The following RIPOR2 variants were observed in gnomAD, a reference collection of about 807,000 sequenced individuals.
RIPOR2 encodes the protein RHO family interacting cell polarization regulator 2.
Under a neutral mutation model 114.5 loss-of-function variants are expected in RIPOR2, and 39 were observed. The ratio of observed to expected loss-of-function variants is 0.34; its 90% CI spans 0.26 to 0.44. RIPOR2 has a LOEUF of 0.44. Ranked by LOEUF, RIPOR2 falls within the 20% of genes least tolerant of loss-of-function variation. RIPOR2 has a pLI of 1.00. For synonymous variants in RIPOR2, 445 were observed against 484.4 expected (o/e 0.92, Z 1.07); for missense variants, 1,007 against 1,255.1 (o/e 0.80, Z 2.99).
At chr6:24,807,936 T>C (rs1780882156) in intron 21 of RIPOR2, among the ~76,000 whole-genome samples, 1 of 152,178 alleles carries the variant, frequency 6.6e-6, no homozygotes, top group Non-Finnish European at 1.5e-5. Flanking sequence ...TATTTGTGTA[T>C]TAGGGTCAAA....
At chr6:24,975,269 A>G (rs1773990966) in intron 1 of RIPOR2, among the ~76,000 whole-genome samples, 1 of 152,260 alleles carries the variant, frequency 6.6e-6, no homozygotes, top group South Asian at 2.1e-4. Context: ...AGAGATATTT[A>G]CAGCATGTAT....
chr6:24,999,843 A>C (rs1157415145), intron 1 of RIPOR2, among the ~76,000 whole-genome samples: 1 of 152,148 alleles, frequency 6.6e-6, no homozygotes, highest in Non-Finnish European at 1.5e-5. Context: ...GGCATGAGCT[A>C]CCGCGCCCAG....
chr6:25,007,671 C>A (rs1581944080), intron 1 of RIPOR2, among the ~76,000 whole-genome samples: 1 of 151,900 alleles, frequency 6.6e-6, no homozygotes. Context: ...TTGGCCCTTC[C>A]TTCCTGCCCT....
At chr6:24,983,127 T>C (rs1304593080) in intron 1 of RIPOR2, among the ~76,000 whole-genome samples, 1 of 151,968 alleles carries the variant, frequency 6.6e-6, no homozygotes, top group African/African-American at 2.4e-5. Flanking sequence ...GTCCGCAAAC[T>C]TGGCCCAAAT....
At chr6:24,985,273 T>TCTTCTAACA (rs1271069030) in intron 1 of RIPOR2, among the ~76,000 whole-genome samples, 1 of 152,138 alleles carries the variant, frequency 6.6e-6, no homozygotes, top group Non-Finnish European at 1.5e-5. Flanking sequence ...AAGCTTATTC[T>TCTTCTAACA]CTTCTAACAC....
At chr6:24,954,201 G>A (rs1171183372) in intron 1 of RIPOR2, among the ~76,000 whole-genome samples, 2 of 152,182 alleles carry the variant, frequency 1.3e-5, no homozygotes, top group Non-Finnish European at 2.9e-5. Context: ...ATGCTCAGAG[G>A]CAGGCTGGTT....
chr6:25,012,436 G>A (rs1775811130), intron 1 of RIPOR2, among the ~76,000 whole-genome samples: 1 of 152,146 alleles, frequency 6.6e-6, no homozygotes, highest in Non-Finnish European at 1.5e-5. Flanking sequence ...AGTGTTCACA[G>A]TGCCATTTTT....
chr6:25,029,592 C>A (rs1031554622), intron 1 of RIPOR2, among the ~76,000 whole-genome samples: 23 of 151,832 alleles, frequency 1.5e-4, no homozygotes, highest in African/African-American at 5.6e-4. Context: ...AAGTCCCATA[C>A]CCTGAGCTGG....
rs1158000314 is a variant in RIPOR2 at position 24,825,263 on chromosome 6, A to C, written c.2831T>G (p.Leu944Trp). 6.4e-7 allele frequency: 1 copy of C among 1,551,394 alleles called. No individual in the cohort carries two copies. Residue 944 changes from leucine (L) to tryptophan (W), a missense_variant, in exon 19 of 22, where the codon TTG (leucine) becomes TGG (tryptophan). Physicochemically the swap from Leu to Trp is moderately conservative, Grantham distance 61 (BLOSUM62 -2). Coordinates refer to ENST00000643898, the MANE Select transcript of RIPOR2 (RefSeq NM_001286445.3). ...NEVSEAVTLYLAAASKNQHFR... is the reference protein window; with the variant it reads ...NEVSEAVTLYWAAASKNQHFR... ...ATGCTGATTTTTGGAGGCTGCTGCC[A>C]AGTAAAGCGTCACAGCCTCACTAAC...
chr6:25,006,014 T>C (rs917862656), intron 1 of RIPOR2, among the ~76,000 whole-genome samples: 1 of 152,120 alleles, frequency 6.6e-6, no homozygotes, highest in Non-Finnish European at 1.5e-5. Flanking sequence ...TTTTTAAATT[T>C]TGAATCCTTA....
chr6:25,029,862 T>C (rs530655998), intron 1 of RIPOR2, among the ~76,000 whole-genome samples: 62 of 152,222 alleles, frequency 4.1e-4, no homozygotes, highest in African/African-American at 1.5e-3. Flanking sequence ...CTATATGCTT[T>C]TCTTAAGAGA....
At chr6:24,997,371 G>C (rs562441672) in intron 1 of RIPOR2, among the ~76,000 whole-genome samples, 46 of 152,276 alleles carry the variant, frequency 3.0e-4, no homozygotes, top group African/African-American at 1.0e-3. Flanking sequence ...ATTTGGCCCA[G>C]AAAGAGGAAG....
At position 24,875,680 on chromosome 6, in the gene RIPOR2, A is replaced by ACAGTACTTGCCTGGATCGCCTTTC. The variant is rs1765665276; in HGVS notation, c.175_188+10dup. 6 of 1,610,390 alleles carry ACAGTACTTGCCTGGATCGCCTTTC rather than the reference A, an allele frequency of 3.7e-6. No individual in the cohort carries two copies. Among genetic ancestry groups the ACAGTACTTGCCTGGATCGCCTTTC allele is most frequent in the East Asian group, 2.2e-5 (1 of 44,802 alleles). The stretch of plus-strand genomic sequence containing the variant: ...AAGCTGCATCCCGGGAGAGAACCAC[A>ACAGTACTTGCCTGGATCGCCTTTC]CAGTACTTGCCTGGATCGCCTTTCC... On this transcript the variant is annotated intron_variant, in intron 2 of 21. Coordinates refer to ENST00000643898, the MANE Select transcript of RIPOR2 (RefSeq NM_001286445.3).
At chr6:24,882,125 T>G (rs1562308386) in intron 1 of RIPOR2, among the ~76,000 whole-genome samples, 1 of 152,214 alleles carries the variant, frequency 6.6e-6, no homozygotes. Context: ...GTGCCACCAG[T>G]AGAAGTAGTA....
intron 1 of RIPOR2, among the ~76,000 whole-genome samples, chr6:24,944,148 G>C (rs539574732): frequency 2.6e-5 from 4 of 152,178 alleles, no homozygotes; most frequent in Non-Finnish European, 5.9e-5. Flanking sequence ...GCCCACAGCT[G>C]TGTATATGCT....
At chr6:24,927,324 C>CACCACCACAACTACA in intron 1 of RIPOR2, among the ~76,000 whole-genome samples, 1 of 132,872 alleles carries the variant, frequency 7.5e-6, no homozygotes, top group Admixed American at 7.5e-5. Context: ...TCACTACCAC[C>CACCACCACAACTACA]ATCACCACCA....
intron 1 of RIPOR2, among the ~76,000 whole-genome samples, chr6:24,953,867 TGA>T (rs941140432): frequency 9.2e-5 from 14 of 151,616 alleles, no homozygotes; most frequent in African/African-American, 3.4e-4. Flanking sequence ...TCTGTTTCTT[TGA>T]GTCTTCATTT....
At chr6:24,893,090 C>T (rs1767536007) in intron 1 of RIPOR2, among the ~76,000 whole-genome samples, 3 of 152,132 alleles carry the variant, frequency 2.0e-5, no homozygotes, top group Admixed American at 2.0e-4. Flanking sequence ...GAAGCAGGTA[C>T]AAGTGAAATC....
Position 24,883,496 on chromosome 6 carries a change from TG to T in RIPOR2, c.62-7680del, listed in dbSNP as rs1766531364. ...CAGGCAAGGAAGCAGAGAGAGGTTT[TG>T]GGGGTGGTGGAAGTGTTCTAAAAGC... On this transcript the variant is annotated intron_variant, in intron 1 of 21. Transcript: ENST00000643898. This position sits in a 1 kb window ranked among gnomAD's most constrained non-coding sequence, Gnocchi z 4.1. Among the ~76,000 whole-genome samples the T allele has an allele frequency of 6.6e-6, 1 of 152,164 alleles. No homozygotes were observed. Among genetic ancestry groups the T allele is most frequent in the Non-Finnish European group, 1.5e-5 (1 of 68,020 alleles).
Sources: allele counts gnomAD v4.1 joint callset (sites outside exome capture counted in the v4.1 genomes callset), GRCh38; gene constraint gnomAD v4.1.1; non-coding constraint Gnocchi (gnomAD v3.1); transcripts MANE v1.5; gene names NCBI Gene and HGNC (gene_info 2026-07-23, HGNC 2026-07-21).